The following LHFPL3 variants were observed in gnomAD, a reference collection of about 807,000 sequenced individuals.
The protein encoded by LHFPL3 is LHFPL tetraspan subfamily member 3 protein.
LHFPL3 carries 5 observed loss-of-function variants against 19.3 expected under a neutral mutation model. The observed-to-expected ratio is 0.26, with a 90% CI of 0.14 to 0.54. The LOEUF is 0.54. LHFPL3 is among the 20% of genes least tolerant of loss of function. The probability of loss-of-function intolerance (pLI) is 0.94; values close to 1 mark genes in which losing one functional copy is unlikely to be tolerated. For synonymous variants in LHFPL3, 133 were observed against 126.2 expected, an observed-to-expected ratio of 1.05 and a Z score of -0.36; for missense variants, 249 against 307.4, an observed-to-expected ratio of 0.81 and a Z score of 1.42.
intron 1 of LHFPL3, among the ~76,000 whole-genome samples, chr7:104,338,984 AC>A (rs1469534709): frequency 3.9e-5 from 6 of 152,216 alleles, no homozygotes; most frequent in African/African-American, 7.2e-5. Flanking sequence ...ATGGTGGCTC[AC>A]GCCTGTAATC....
intron 1 of LHFPL3, among the ~76,000 whole-genome samples, chr7:104,474,973 A>G (rs948279916): frequency 6.6e-6 from 1 of 152,234 alleles, no homozygotes; most frequent in African/African-American, 2.4e-5. Flanking sequence ...CTGAATCACA[A>G]AAGACACAGA....
chr7:104,337,868 G>T (rs921503292), intron 1 of LHFPL3, among the ~76,000 whole-genome samples: 2 of 152,116 alleles, frequency 1.3e-5, no homozygotes, highest in African/African-American at 4.8e-5. Context: ...ATTTTAACCA[G>T]TTGACTGGAC....
intron 1 of LHFPL3, chr7:104,668,209 T>G: frequency 6.2e-7 from 1 of 1,613,550 alleles, no homozygotes; most frequent in Admixed American, 1.7e-5. Context: ...CTCAGTGCCC[T>G]GAGTCTCAAT....
intron 1 of LHFPL3, among the ~76,000 whole-genome samples, chr7:104,566,580 T>A: frequency 6.6e-6 from 1 of 152,266 alleles, no homozygotes. Flanking sequence ...AAAACAGAGA[T>A]GTTAGAAGCC....
At chr7:104,348,256 G>T (rs960586758) in intron 1 of LHFPL3, among the ~76,000 whole-genome samples, 27 of 152,082 alleles carry the variant, frequency 1.8e-4, no homozygotes, top group African/African-American at 6.3e-4. Context: ...GTGGTGGTGC[G>T]TGCCTGTAAT....
At chr7:104,455,952 GTT>G (rs3080685) in intron 1 of LHFPL3, among the ~76,000 whole-genome samples, 66,671 of 151,786 alleles carry the variant, frequency 0.44, 16,777 homozygotes, top group East Asian at 0.6. Context: ...CTGAAGATGA[GTT>G]TTTAAAATTA....
intron 1 of LHFPL3, among the ~76,000 whole-genome samples, chr7:104,480,678 G>A (rs961745195): frequency 6.6e-6 from 1 of 152,098 alleles, no homozygotes; most frequent in African/African-American, 2.4e-5. Flanking sequence ...AACAAATTGT[G>A]GAACATATCC....
intron 1 of LHFPL3, among the ~76,000 whole-genome samples, chr7:104,533,808 T>C (rs1794346234): frequency 6.6e-6 from 1 of 152,200 alleles, no homozygotes; most frequent in Non-Finnish European, 1.5e-5. Context: ...TTTTTGCTTC[T>C]TGGACTTCTA....
chr7:104,782,022 C>G (rs924561162), intron 2 of LHFPL3, among the ~76,000 whole-genome samples: 1 of 152,186 alleles, frequency 6.6e-6, no homozygotes, highest in African/African-American at 2.4e-5. Flanking sequence ...CGTTCTATCA[C>G]GCTTATAATA....
rs148622452 is a variant in LHFPL3, at chr7:104,550,140, G to A, written c.446-186535G>A. Among the ~76,000 whole-genome samples the A allele has an allele frequency of 1.6e-3, 245 of 152,242 alleles. 1 individual carries two copies. In the East Asian group the frequency reaches 0.027, roughly 17 times the overall value. On this transcript the variant is annotated intron_variant, in intron 1 of 2. Coordinates refer to ENST00000424859, the MANE Select transcript of LHFPL3 (RefSeq NM_199000.3). ...AACCCTTTTTGCTTGGAGAAGGTCA[G>A]TCTTTGTTCTACTAAGGCTTCCAAA...
At chr7:104,898,206 A>G (rs1792405965) in intron 2 of LHFPL3, among the ~76,000 whole-genome samples, 1 of 151,514 alleles carries the variant, frequency 6.6e-6, no homozygotes, top group Non-Finnish European at 1.5e-5. Flanking sequence ...CAGGGTTTCA[A>G]CAGTTGGCCA....
At chr7:104,447,422 T>C (rs558352673) in intron 1 of LHFPL3, among the ~76,000 whole-genome samples, 14 of 152,330 alleles carry the variant, frequency 9.2e-5, no homozygotes, top group African/African-American at 3.4e-4. Context: ...ATGCAAACTA[T>C]TGAACTAGGT....
At chr7:104,675,268 A>G (rs1792569558) in intron 1 of LHFPL3, among the ~76,000 whole-genome samples, 1 of 152,254 alleles carries the variant, frequency 6.6e-6, no homozygotes, top group East Asian at 1.9e-4. Flanking sequence ...TTAGGCAGAG[A>G]GTACTGAGTG....
chr7:104,372,744 A>G (rs1015380262), intron 1 of LHFPL3, among the ~76,000 whole-genome samples: 3 of 152,170 alleles, frequency 2.0e-5, no homozygotes, highest in East Asian at 1.9e-4. Flanking sequence ...ATTACAAGAG[A>G]TGTCGTTATA....
chr7:104,874,741 A>G (rs1443817117), intron 2 of LHFPL3, among the ~76,000 whole-genome samples: 1 of 152,048 alleles, frequency 6.6e-6, no homozygotes, highest in Non-Finnish European at 1.5e-5. Flanking sequence ...ATGCTTACTG[A>G]GTTGGGTTTC....
intron 2 of LHFPL3, among the ~76,000 whole-genome samples, chr7:104,756,978 C>T (rs1794297243): frequency 6.6e-6 from 1 of 151,924 alleles, no homozygotes. Context: ...CATTGTTGTA[C>T]CATAGGCCTA....
intron 1 of LHFPL3, among the ~76,000 whole-genome samples, chr7:104,437,201 T>C (rs1284278484): frequency 1.3e-5 from 2 of 152,256 alleles, no homozygotes; most frequent in Admixed American, 1.3e-4. Context: ...CACAAGGTAC[T>C]AGAGGTAAAA....
rs10227564 is a variant in LHFPL3 at position 104,850,790 on chromosome 7, C to T, written c.683-55397C>T. 1.5e-4 allele frequency among the ~76,000 whole-genome samples: 23 copies of T among 152,008 alleles called. 1 individual carries two copies. Among genetic ancestry groups the T allele is most frequent in the South Asian group, 1.0e-3 (5 of 4,802 alleles). On this transcript the variant is annotated intron_variant, in intron 2 of 2. Transcript: ENST00000424859. The stretch of plus-strand genomic sequence containing the variant: ...TCTGGGTGATTCTGAGATACCCCCC[C>T]ACCCCCGCCAAGGTTTGAGAGCCAC...
At chr7:104,461,450 T>C (rs898592646) in intron 1 of LHFPL3, among the ~76,000 whole-genome samples, 3 of 152,248 alleles carry the variant, frequency 2.0e-5, no homozygotes, top group African/African-American at 7.2e-5. Flanking sequence ...GCACCAATTA[T>C]TGAATAGTGA....
Sources: allele counts gnomAD v4.1 joint callset (sites outside exome capture counted in the v4.1 genomes callset), GRCh38; gene constraint gnomAD v4.1.1; transcripts MANE v1.5; gene names NCBI Gene and HGNC (gene_info 2026-07-23, HGNC 2026-07-21).